Variants in RRP12 observed in about 807,000 individuals in gnomAD.
The protein encoded by RRP12 is RRP12-like protein.
A neutral mutation model predicts 157.3 loss-of-function variants in RRP12; 78 were observed. That is an observed-to-expected ratio of 0.50 (90% confidence interval 0.41 to 0.60). The LOEUF (loss-of-function observed/expected upper bound fraction) is 0.60, where lower values mean the gene tolerates loss of function less well. Ranked by LOEUF, RRP12 falls within the 20% of genes least tolerant of loss-of-function variation. The pLI, the probability that RRP12 is intolerant of heterozygous loss-of-function variation, is 0.00. For missense variants in RRP12, 1,521 were observed against 1,679.9 expected, an observed-to-expected ratio of 0.91 and a Z score of 1.65; for synonymous variants, 726 against 670.9, an observed-to-expected ratio of 1.08 and a Z score of -1.27.
At chr10:97,382,023 C>G in intron 10 of RRP12, among the ~76,000 whole-genome samples, 197 bp from the exon 11 acceptor site, 1 of 152,192 alleles carries the variant, frequency 6.6e-6, no homozygotes, top group Non-Finnish European at 1.5e-5. Context: ...GTAGAAAATT[C>G]AAACAGGTCT....
intron 8 of RRP12, 108 bp from the exon 9 acceptor site, chr10:97,386,101 C>T: frequency 1.5e-6 from 1 of 673,234 alleles, no homozygotes; most frequent in Non-Finnish European, 2.7e-6. Flanking sequence ...CTGAACCTCA[C>T]ACATGCCCCC....
At chr10:97,374,493 CT>C (rs1554878735) in intron 15 of RRP12, among the ~76,000 whole-genome samples, 1 of 150,674 alleles carries the variant, frequency 6.6e-6, no homozygotes, top group Non-Finnish European at 1.5e-5. Flanking sequence ...TAAACAGGGG[CT>C]GGGTGCAGTG....
chr10:97,369,372 C>T (rs1844074203), intron 25 of RRP12, 53 bp downstream of exon 25: 1 of 1,577,636 alleles, frequency 6.3e-7, no homozygotes. Context: ...CAGGTCCATG[C>T]CAACAGCTCA....
At position 97,385,819 on chromosome 10, in the gene RRP12, G is replaced by C. The variant is rs574995665; in HGVS notation, c.1116+76C>G. 4.3e-3 allele frequency: 4,612 copies of C among 1,073,038 alleles called. 12 individuals carry two copies. The highest frequency in any genetic ancestry group is 5.8e-3 in the Non-Finnish European group (4,137 of 714,302). 66.5% of individuals were successfully genotyped at this position (1,073,038 alleles called of 1,614,324 possible). A position where few individuals can be genotyped will look rare whatever the true frequency, so the allele number is the denominator to read the frequency against. On this transcript the variant is annotated intron_variant, in intron 9 of 33. Coordinates refer to ENST00000370992, the MANE Select transcript of RRP12 (RefSeq NM_015179.4). ...ACCTCACTCTGTAGACAAGGCGCAG[G>C]GCCAGTGCCCCCAGCACAGCCTCCC...
At position 97,361,556 on chromosome 10, in the gene RRP12, G is replaced by A. The variant is rs1843841942; in HGVS notation, c.3568-938C>T. Among the ~76,000 whole-genome samples the A allele has an allele frequency of 3.3e-5, 5 of 152,248 alleles. No homozygotes were observed. In the South Asian group the frequency reaches 8.3e-4, roughly 25 times the overall value. Reference sequence around the variant, plus strand: ...CCAGGTAAAGGGATCGGCCTGGGCAGAGCGAACAGGCTGCAGCACACACAG... The same window carrying A: ...CCAGGTAAAGGGATCGGCCTGGGCAAAGCGAACAGGCTGCAGCACACACAG... On this transcript the variant is annotated intron_variant, in intron 30 of 33. Transcript: ENST00000370992.
intron 2 of RRP12, among the ~76,000 whole-genome samples, chr10:97,398,863 T>G (rs1845058598): frequency 1.3e-5 from 2 of 152,098 alleles, no homozygotes; most frequent in Admixed American, 1.3e-4. Context: ...TATGGGTAAA[T>G]TATACACTAG....
chr10:97,365,788 A>C, intron 29 of RRP12: 2 of 248,846 alleles, frequency 8.0e-6, no homozygotes, highest in Non-Finnish European at 1.5e-5. Flanking sequence ...AAAAAGAGGA[A>C]GGAAGAAAAG....
At chr10:97,388,095 T>C (rs1589435312) in intron 8 of RRP12, 157 bp downstream of exon 8, 1 of 905,610 alleles carries the variant, frequency 1.1e-6, no homozygotes. Context: ...TGGCCTGGCC[T>C]AGCCAAACAC....
chr10:97,379,924 G>A (rs1342489267), intron 13 of RRP12, among the ~76,000 whole-genome samples, 154 bp from the exon 14 acceptor site: 2 of 152,172 alleles, frequency 1.3e-5, no homozygotes, highest in Non-Finnish European at 2.9e-5. Flanking sequence ...ACTGGTGACT[G>A]TAAAATCCCA....
At chr10:97,386,922 G>A (rs1844648345) in intron 8 of RRP12, among the ~76,000 whole-genome samples, 3 of 152,072 alleles carry the variant, frequency 2.0e-5, no homozygotes, top group South Asian at 2.1e-4. Context: ...CCCGGAAGGC[G>A]GAGTTTGCAG....
At position 97,366,456 on chromosome 10, in the gene RRP12, T is replaced by A. The variant is rs144919715; in HGVS notation, c.3381A>T (p.Gln1127His). 75 of 1,611,812 alleles carry A rather than the reference T, an allele frequency of 4.7e-5. 1 individual carries two copies. In the Middle Eastern group the frequency reaches 6.6e-4, roughly 14 times the overall value. ...PLNFLDPKVA[Q>H]RVLATQPGPG... ...CAGCCCTGTGCTTACCCAGGACTCG[T>A]TGGGCCACCTTGGGATCCAGGAAGT... The change falls in exon 28 of 34, where the codon CAA (glutamine) becomes CAT (histidine). Residue 1127 changes from glutamine to histidine, a missense_variant. Transcript: ENST00000370992.
chr10:97,372,421 G>A (rs568909169), intron 19 of RRP12, among the ~76,000 whole-genome samples: 18 of 152,192 alleles, frequency 1.2e-4, no homozygotes, highest in Admixed American at 8.5e-4. Context: ...AACTATTATC[G>A]TGCCCATTTT....
intron 6 of RRP12, among the ~76,000 whole-genome samples, chr10:97,390,189 C>T (rs1483121709): frequency 6.6e-6 from 1 of 152,200 alleles, no homozygotes; most frequent in East Asian, 1.9e-4. Context: ...GTCAACAGGG[C>T]AATGGCTGAT....
At position 97,370,273 on chromosome 10, in the gene RRP12, C is replaced by A. The variant is rs757840933; in HGVS notation, c.2691G>T (p.Glu897Asp). 41 of 1,588,824 alleles carry A rather than the reference C, an allele frequency of 2.6e-5. No individual in the cohort carries two copies. In the East Asian group the frequency reaches 9.3e-4, roughly 36 times the overall value. ...AFLRFGSNQE[E>D]ALQCYLVLIY... ...TCAGGACGAGGTAGCACTGCAGGGC[C>A]TCTGGGGACAGAGACCAACGTGGGT... The change falls in exon 24 of 34, where the codon GAG becomes GAT. Residue 897 changes from glutamate (E) to aspartate (D), a missense_variant and splice_region_variant. By Grantham distance (45) the Glu-to-Asp change is conservative. Coordinates refer to ENST00000370992, the MANE Select transcript of RRP12 (RefSeq NM_015179.4).
At chr10:97,385,612 G>A (rs950651513) in intron 9 of RRP12, among the ~76,000 whole-genome samples, 2 of 151,946 alleles carry the variant, frequency 1.3e-5, no homozygotes, top group Non-Finnish European at 2.9e-5. Context: ...CTCTAAGGCC[G>A]AGAGCCCTGC....
chr10:97,376,505 G>A (rs1203027023), intron 15 of RRP12, among the ~76,000 whole-genome samples: 2 of 152,062 alleles, frequency 1.3e-5, no homozygotes, highest in East Asian at 1.9e-4. Context: ...GAGCCACTGC[G>A]CTTGGCCTTA....
rs368130127 is a variant in RRP12, at chr10:97,372,172, C to A, written c.2250-6G>T. On this transcript the variant is annotated splice_polypyrimidine_tract_variant and splice_region_variant and intron_variant, in intron 19 of 33. Coordinates refer to ENST00000370992, the MANE Select transcript of RRP12 (RefSeq NM_015179.4). Reference sequence around the variant, plus strand: ...CCAGGTCCAGGACAGACAATCTGCTCGGGGCAGGAGGACAAGGAGAGGGAT... The same window carrying A: ...CCAGGTCCAGGACAGACAATCTGCTAGGGGCAGGAGGACAAGGAGAGGGAT... 10 of 1,611,854 alleles carry A rather than the reference C, an allele frequency of 6.2e-6. No individual in the cohort carries two copies.
chr10:97,375,584 A>C (rs1212809296), intron 15 of RRP12, among the ~76,000 whole-genome samples: 1 of 152,140 alleles, frequency 6.6e-6, no homozygotes, highest in Non-Finnish European at 1.5e-5. Context: ...TACCAGGACA[A>C]AGGGAATACA....
intron 2 of RRP12, among the ~76,000 whole-genome samples, chr10:97,399,831 T>C (rs1198497724): frequency 1.3e-5 from 2 of 151,578 alleles, no homozygotes; most frequent in Non-Finnish European, 1.5e-5. Context: ...GGCAGGAGGA[T>C]TGCTTGGGCC....
Sources: gnomAD v4.1 joint callset for allele counts (sites outside exome capture counted in the v4.1 genomes callset) on GRCh38, gnomAD v4.1.1 for gene constraint, MANE v1.5 for transcripts, NCBI Gene and HGNC (gene_info 2026-07-23, HGNC 2026-07-21) for gene names.